ASIC2: variants seen among roughly 807,000 people sequenced by gnomAD.
ASIC2 encodes the protein acid-sensing ion channel 2.
A neutral mutation model predicts 57.3 loss-of-function variants in ASIC2; 25 were observed. The ratio of observed to expected loss-of-function variants is 0.44; its 90% CI spans 0.32 to 0.61. ASIC2 has a LOEUF of 0.61. Among genes scored for constraint, ASIC2 ranks in the 20% least tolerant of loss-of-function variants. The probability of loss-of-function intolerance (pLI) is 0.06; values close to 1 mark genes in which losing one functional copy is unlikely to be tolerated. For missense variants in ASIC2, 641 were observed against 738.1 expected, an observed-to-expected ratio of 0.87 and a Z score of 1.52; for synonymous variants, 319 against 307.5, an observed-to-expected ratio of 1.04 and a Z score of -0.39.
At chr17:33,032,907 G>T (rs1458037151) in intron 3 of ASIC2, among the ~76,000 whole-genome samples, 8 of 151,970 alleles carry the variant, frequency 5.3e-5, no homozygotes, top group Admixed American at 3.3e-4. Flanking sequence ...TCATGCTGAA[G>T]AATCTCTTTT....
intron 1 of ASIC2, among the ~76,000 whole-genome samples, chr17:34,088,827 G>C (rs551141699): frequency 2.0e-5 from 3 of 152,346 alleles, no homozygotes; most frequent in Admixed American, 2.0e-4. Flanking sequence ...CGTGGGCGTA[G>C]GACCCTCCGA....
intron 1 of ASIC2, among the ~76,000 whole-genome samples, chr17:33,716,641 G>A (rs776200493): frequency 1.3e-5 from 2 of 151,926 alleles, no homozygotes; most frequent in African/African-American, 2.4e-5. Flanking sequence ...TCCTGCCCTC[G>A]ACACACACAC....
chr17:33,601,876 T>C (rs763323956), intron 1 of ASIC2, among the ~76,000 whole-genome samples: 3 of 152,258 alleles, frequency 2.0e-5, no homozygotes, highest in Non-Finnish European at 4.4e-5. Context: ...GCTTTAAGAC[T>C]TCGTGTTTTC....
chr17:33,938,212 G>A (rs1266973813), intron 1 of ASIC2, among the ~76,000 whole-genome samples: 1 of 152,188 alleles, frequency 6.6e-6, no homozygotes, highest in Non-Finnish European at 1.5e-5. Context: ...GGGACAAAAA[G>A]GGGTTACTGG....
rs564816548 is a variant in ASIC2, at chr17:33,214,376, C to T, written c.708+77032G>A. Among the ~76,000 whole-genome samples, 8 of 152,294 alleles carry T rather than the reference C, an allele frequency of 5.3e-5. No homozygotes were observed. In the South Asian group the frequency reaches 1.7e-3, roughly 32 times the overall value. On this transcript the variant is annotated intron_variant, in intron 1 of 9. Coordinates refer to ENST00000225823, the MANE Select transcript of ASIC2 (RefSeq NM_183377.2). ...GCTGACTTCTCAGTGGCTGCAGCCTCCTGGGCTGACTTCTAAGGGAATAGG... is the reference window on the plus strand; with the variant it reads ...GCTGACTTCTCAGTGGCTGCAGCCTTCTGGGCTGACTTCTAAGGGAATAGG...
intron 1 of ASIC2, among the ~76,000 whole-genome samples, chr17:34,011,246 G>A (rs892994391): frequency 2.8e-4 from 42 of 152,010 alleles, no homozygotes; most frequent in African/African-American, 1.0e-3. Flanking sequence ...CAGAAACGCA[G>A]CCACACACAT....
intron 1 of ASIC2, among the ~76,000 whole-genome samples, chr17:33,188,149 G>T (rs577180084): frequency 6.6e-6 from 1 of 151,978 alleles, no homozygotes; most frequent in African/African-American, 2.4e-5. Context: ...CCAAAGAAAA[G>T]TTTTAGAGAT....
chr17:33,260,752 GC>G (rs1018414426), intron 1 of ASIC2, among the ~76,000 whole-genome samples: 4 of 152,166 alleles, frequency 2.6e-5, no homozygotes, highest in African/African-American at 4.8e-5. Flanking sequence ...CCTTGGGACA[GC>G]CCCCGTCCCT....
At chr17:33,066,219 A>G (rs574250020) in intron 3 of ASIC2, among the ~76,000 whole-genome samples, 1 of 152,192 alleles carries the variant, frequency 6.6e-6, no homozygotes, top group Non-Finnish European at 1.5e-5. Context: ...GGGACTTGGT[A>G]GTGAGGGCTG....
intron 1 of ASIC2, among the ~76,000 whole-genome samples, chr17:33,642,025 T>C (rs989201495): frequency 6.6e-6 from 1 of 152,168 alleles, no homozygotes. Flanking sequence ...GAGAAGATCA[T>C]ACATTTCCTA....
At chr17:33,369,142 G>T (rs993572079) in intron 1 of ASIC2, among the ~76,000 whole-genome samples, 2 of 152,188 alleles carry the variant, frequency 1.3e-5, no homozygotes, top group Non-Finnish European at 2.9e-5. Flanking sequence ...GGCAGTGAGT[G>T]TTCCAACCAA....
chr17:33,491,707 C>G (rs1054046480), intron 1 of ASIC2, among the ~76,000 whole-genome samples: 1 of 152,124 alleles, frequency 6.6e-6, no homozygotes, highest in Non-Finnish European at 1.5e-5. Context: ...TCTTAGTGAC[C>G]GATGAACAAG....
chr17:34,103,417 G>A (rs527855290), intron 1 of ASIC2, among the ~76,000 whole-genome samples: 1 of 152,156 alleles, frequency 6.6e-6, no homozygotes, highest in African/African-American at 2.4e-5. Context: ...GCCTCCCAAA[G>A]TGCTGGAATT....
At chr17:33,663,722 A>G (rs1907376008) in intron 1 of ASIC2, among the ~76,000 whole-genome samples, 1 of 152,308 alleles carries the variant, frequency 6.6e-6, no homozygotes, top group East Asian at 1.9e-4. Context: ...ATTTTAAAAC[A>G]AGGGAAAGAC....
chr17:33,174,065 G>A (rs1294505125), intron 1 of ASIC2, among the ~76,000 whole-genome samples: 1 of 152,164 alleles, frequency 6.6e-6, no homozygotes, highest in Non-Finnish European at 1.5e-5. Flanking sequence ...ACAACCAGGT[G>A]AAAGAATAGA....
rs147440153 is a variant in ASIC2 at position 33,456,138 on chromosome 17, C to T, written c.556-344071G>A. ...TGTTTTCCTTGAATTGATTTTTCTC[C>T]TCTGCCTCATCCATTACCTTGAAGG... On this transcript the variant is annotated intron_variant, in intron 1 of 9. Coordinates refer to the ASIC2 transcript ENST00000359872. Among the ~76,000 whole-genome samples, 14 of 152,322 alleles carry T rather than the reference C, an allele frequency of 9.2e-5. No individual in the cohort carries two copies. In the East Asian group the frequency reaches 2.7e-3, roughly 29 times the overall value.
chr17:33,474,393 GA>G (rs1372861897), intron 1 of ASIC2, among the ~76,000 whole-genome samples: 2 of 152,132 alleles, frequency 1.3e-5, no homozygotes, highest in African/African-American at 4.8e-5. Context: ...AAAAAGAAAA[GA>G]AACAGATGGC....
intron 1 of ASIC2, among the ~76,000 whole-genome samples, chr17:33,766,369 A>ACT (rs1182694673): frequency 6.6e-6 from 1 of 152,184 alleles, no homozygotes; most frequent in Admixed American, 6.5e-5. Context: ...ATATAGAGGG[A>ACT]CTGCTGTACT....
At chr17:34,022,663 G>C (rs891736805) in intron 1 of ASIC2, among the ~76,000 whole-genome samples, 1 of 148,450 alleles carries the variant, frequency 6.7e-6, no homozygotes, top group African/African-American at 2.5e-5. Context: ...CAAAAAAACA[G>C]CCCAGTAGCC....
Sources: allele counts gnomAD v4.1 joint callset (sites outside exome capture counted in the v4.1 genomes callset), GRCh38; gene constraint gnomAD v4.1.1; transcripts MANE v1.5; gene names NCBI Gene and HGNC (gene_info 2026-07-23, HGNC 2026-07-21).